Variants in WDR70 observed in about 807,000 individuals in gnomAD.
WDR70 encodes WD repeat-containing protein 70.
WDR70 carries 53 observed loss-of-function variants against 88.6 expected under a neutral mutation model. That is an observed-to-expected ratio of 0.60 (90% CI 0.48 to 0.75). WDR70 has a LOEUF of 0.75. Ranked by LOEUF, WDR70 falls within the 30% of genes least tolerant of loss-of-function variation. WDR70 has a pLI of 0.00. For missense variants in WDR70, 610 were observed against 823.2 expected, an observed-to-expected ratio of 0.74 and a Z score of 3.17; for synonymous variants, 280 against 270.0, an observed-to-expected ratio of 1.04 and a Z score of -0.36.
At chr5:37,616,355 G>A (rs536338948) in intron 10 of WDR70, among the ~76,000 whole-genome samples, 137 of 152,178 alleles carry the variant, frequency 9.0e-4, no homozygotes, top group Non-Finnish European at 1.4e-3. Flanking sequence ...TGATCCACCC[G>A]CCTCAGCTTC....
intron 7 of WDR70, among the ~76,000 whole-genome samples, chr5:37,477,368 C>G (rs1471925915): frequency 6.6e-6 from 1 of 152,110 alleles, no homozygotes; most frequent in Non-Finnish European, 1.5e-5. Flanking sequence ...AATATTTATC[C>G]CTGTCCTGTT....
intron 6 of WDR70, among the ~76,000 whole-genome samples, chr5:37,442,062 A>T (rs550792474): frequency 2.6e-4 from 35 of 134,514 alleles, no homozygotes; most frequent in African/African-American, 9.3e-4. Flanking sequence ...TTTTTGAGAC[A>T]GGGTTTCACC....
intron 9 of WDR70, among the ~76,000 whole-genome samples, chr5:37,603,250 A>G (rs1026946781): frequency 6.6e-6 from 1 of 152,208 alleles, no homozygotes; most frequent in African/African-American, 2.4e-5. Flanking sequence ...CCTGATTTCA[A>G]AATAAAAGCT....
chr5:37,605,851 G>A (rs1229969508), intron 10 of WDR70, among the ~76,000 whole-genome samples: 6 of 152,100 alleles, frequency 3.9e-5, no homozygotes, highest in Admixed American at 2.6e-4. Context: ...TTACCAATAA[G>A]CTGTAAAAAG....
chr5:37,529,980 T>A (rs1741430783), intron 9 of WDR70, among the ~76,000 whole-genome samples: 1 of 152,148 alleles, frequency 6.6e-6, no homozygotes, highest in South Asian at 2.1e-4. Flanking sequence ...GCTTTTATTA[T>A]GTTAAGGTAT....
chr5:37,596,126 A>G (rs1743692804), intron 9 of WDR70, among the ~76,000 whole-genome samples: 1 of 152,198 alleles, frequency 6.6e-6, no homozygotes, highest in South Asian at 2.1e-4. Flanking sequence ...TGTCAAACCC[A>G]GTGCCTGACA....
At chr5:37,675,104 T>A (rs1746160554) in intron 10 of WDR70, among the ~76,000 whole-genome samples, 1 of 152,120 alleles carries the variant, frequency 6.6e-6, no homozygotes. Context: ...TGTAAATTTG[T>A]TTGAGTTCAT....
chr5:37,752,000 A>G (rs1277291887), intron 17 of WDR70, among the ~76,000 whole-genome samples: 1 of 152,208 alleles, frequency 6.6e-6, no homozygotes, highest in African/African-American at 2.4e-5. Context: ...AATTCATTAG[A>G]TAAGAAAACA....
At chr5:37,409,794 C>G (rs1749466704) in intron 5 of WDR70, among the ~76,000 whole-genome samples, 1 of 152,120 alleles carries the variant, frequency 6.6e-6, no homozygotes, top group Non-Finnish European at 1.5e-5. Context: ...GCGTGAGCCA[C>G]CATGCCCGGC....
chr5:37,426,887 C>A (rs1324741114), intron 5 of WDR70, among the ~76,000 whole-genome samples: 2 of 151,710 alleles, frequency 1.3e-5, no homozygotes, highest in Non-Finnish European at 2.9e-5. Flanking sequence ...CAAATGATCC[C>A]ACCTCAGTCT....
At chr5:37,594,222 C>A (rs1046087525) in intron 9 of WDR70, among the ~76,000 whole-genome samples, 2 of 152,114 alleles carry the variant, frequency 1.3e-5, no homozygotes, top group Non-Finnish European at 2.9e-5. Context: ...CTTGCCCATG[C>A]CTATGTCCTG....
chr5:37,722,733 A>G (rs541920960), intron 14 of WDR70, 122 bp from the exon 15 acceptor site: 2 of 835,394 alleles, frequency 2.4e-6, no homozygotes, highest in African/African-American at 3.4e-5. Context: ...CAGAAAGTCA[A>G]GTACTTGTGT....
At chr5:37,407,759 C>T (rs1262761350) in intron 5 of WDR70, among the ~76,000 whole-genome samples, 1 of 151,558 alleles carries the variant, frequency 6.6e-6, no homozygotes, top group East Asian at 1.9e-4. Flanking sequence ...AAACTTCTGG[C>T]CTTACGAGAT....
At chr5:37,591,160 CT>C (rs1442197521) in intron 9 of WDR70, among the ~76,000 whole-genome samples, 1 of 152,020 alleles carries the variant, frequency 6.6e-6, no homozygotes, top group Non-Finnish European at 1.5e-5. Flanking sequence ...TGGTGAAACC[CT>C]ATCTCTTCTA....
chr5:37,466,892 A>G (rs1449946101), intron 7 of WDR70, among the ~76,000 whole-genome samples: 1 of 152,066 alleles, frequency 6.6e-6, no homozygotes, highest in Non-Finnish European at 1.5e-5. Context: ...ATGGTATCTT[A>G]GTCTGCTTCA....
chr5:37,542,280 C>CT (rs765831095), intron 9 of WDR70, among the ~76,000 whole-genome samples: 4,866 of 144,324 alleles, frequency 0.034, 275 homozygotes, highest in African/African-American at 0.12. Context: ...TCTTCTTCTT[C>CT]TTTTTTTTTT....
chr5:37,678,867 A>G (rs1395857759), intron 10 of WDR70, among the ~76,000 whole-genome samples: 4 of 152,212 alleles, frequency 2.6e-5, no homozygotes, highest in Non-Finnish European at 5.9e-5. Flanking sequence ...TTTCAGGTAC[A>G]CCAATCAGAC....
intron 3 of WDR70, among the ~76,000 whole-genome samples, chr5:37,387,582 T>C (rs1748664339): frequency 6.6e-6 from 1 of 151,984 alleles, no homozygotes; most frequent in African/African-American, 2.4e-5. Context: ...AGCATGTAAA[T>C]AGAAAATACC....
chr5:37,677,977 A>G (rs1300024437), intron 10 of WDR70, among the ~76,000 whole-genome samples: 1 of 152,134 alleles, frequency 6.6e-6, no homozygotes, highest in Non-Finnish European at 1.5e-5. Context: ...TCCCTTTACC[A>G]TTATGTAATG....
Sources: allele counts gnomAD v4.1 joint callset (sites outside exome capture counted in the v4.1 genomes callset), GRCh38; gene constraint gnomAD v4.1.1; transcripts MANE v1.5; gene names NCBI Gene and HGNC (gene_info 2026-07-23, HGNC 2026-07-21).